FAHD1: variants seen among roughly 807,000 people sequenced by gnomAD.
FAHD1 encodes the protein FAH domain containing oxaloacetate decarboxylase 1, also known as oxaloacetate tautomerase FAHD1, mitochondrial.
A neutral mutation model predicts 12.7 loss-of-function variants in FAHD1; 14 were observed. That is an observed-to-expected ratio of 1.10 (90% CI 0.73 to 1.72). FAHD1 has a LOEUF of 1.72. FAHD1 is among the 40% of genes most tolerant of loss of function. FAHD1 has a pLI of 0.00. For missense variants in FAHD1, 351 were observed against 298.9 expected (o/e 1.17, Z -1.29); for synonymous variants, 153 against 124.9 (o/e 1.22, Z -1.50).
chr16:1,838,037 C>T (rs1898796178), exon 2 of FAHD1: 1 of 1,342,510 alleles, frequency 7.4e-7, no homozygotes, highest in Non-Finnish European at 1.0e-6. Context: ...CACTCTGTCG[C>T]CCAAGCTGGA....
downstream of FAHD1, among the ~76,000 whole-genome samples, chr16:1,831,366 C>G (rs2142065945): frequency 1.3e-5 from 2 of 152,282 alleles, no homozygotes; most frequent in South Asian, 4.1e-4. Flanking sequence ...GGGCAGGGAG[C>G]AAACTCCAAG....
chr16:1,827,619 G>C (rs144517611), exon 1 of FAHD1: 3 of 1,613,782 alleles, frequency 1.9e-6, no homozygotes, highest in Non-Finnish European at 2.5e-6. Context: ...CGTCCTGCCC[G>C]GTCAGCGCGT....
rs751186846 is a variant in FAHD1 at position 1,839,414 on chromosome 16, A to G, written c.*161A>G. Reference sequence around the variant, plus strand: ...AAGTTGTGCACATGTTAGATGCTTCATTTACAATATAACCACAGCTGGAAC... The same window carrying G: ...AAGTTGTGCACATGTTAGATGCTTCGTTTACAATATAACCACAGCTGGAAC... On this transcript the variant is annotated 3_prime_UTR_variant, in exon 3 of 3. Coordinates refer to the FAHD1 transcript ENST00000382666. 4 of 1,613,060 alleles carry G rather than the reference A, an allele frequency of 2.5e-6. No individual in the cohort carries two copies. In the South Asian group the frequency reaches 4.4e-5, roughly 18 times the overall value.
At chr16:1,827,819 G>GAAA in exon 1 of FAHD1, 1 of 1,614,110 alleles carries the variant, frequency 6.2e-7, no homozygotes. Flanking sequence ...AAGGGAGTTG[G>GAAA]ACCGGTTAAA....
Position 1,827,736 on chromosome 16 carries a change from C to A in FAHD1, c.498C>A (p.Ile166=). ...AGACATCCTCCATGATTTTTTCCAT[C>A]CCCTACATCATCAGCTATGTTTCTA... The change falls in exon 1 of 1, where the codon ATC becomes ATA. Residue 166 remains isoleucine (I), a synonymous_variant. Coordinates refer to ENST00000427358, the Ensembl canonical transcript of FAHD1. The A allele has an allele frequency of 4.3e-6, 7 of 1,614,146 alleles. No individual in the cohort carries two copies. In the South Asian group the frequency reaches 7.7e-5, roughly 18 times the overall value.
downstream of FAHD1, among the ~76,000 whole-genome samples, chr16:1,830,670 A>G (rs1898602981): frequency 6.6e-6 from 1 of 152,194 alleles, no homozygotes; most frequent in Non-Finnish European, 1.5e-5. Context: ...CAGAGACACC[A>G]AGTCCGACAA....
downstream of FAHD1, among the ~76,000 whole-genome samples, chr16:1,832,773 T>G (rs559438529): frequency 1.3e-5 from 2 of 151,974 alleles, no homozygotes; most frequent in African/African-American, 4.8e-5. Context: ...TCTCCTCTCC[T>G]TCCTTCCCTG....
exon 1 of FAHD1, chr16:1,828,804 T>G: frequency 2.0e-6 from 2 of 997,180 alleles, no homozygotes; most frequent in Non-Finnish European, 2.4e-6. Context: ...GAACAAGTAA[T>G]GAAGATTTCA....
At chr16:1,831,132 T>C (rs903656733), downstream of FAHD1, among the ~76,000 whole-genome samples, 30 of 152,230 alleles carry the variant, frequency 2.0e-4, no homozygotes, top group African/African-American at 7.0e-4. Flanking sequence ...TGTTGTGTTT[T>C]TAAAACATGT....
In FAHD1 at chr16:1,827,231, T is replaced by A; in HGVS notation, c.-8T>A. On this transcript the variant is annotated 5_prime_UTR_variant, in exon 1 of 1. The change abolishes an upstream ATG in the 5' untranslated region. Transcript: ENST00000427358. ...CCCACGTGACTACAGGGGCACTTGA[T>A]GGGAATCATGGCAGCATCCAGGCCA... 1 of 1,597,896 alleles carries A rather than the reference T, an allele frequency of 6.3e-7. No homozygotes were observed. The highest frequency in any genetic ancestry group is 8.6e-7 in the Non-Finnish European group (1 of 1,167,640).
chr16:1,827,448 G>C (rs751388046), exon 1 of FAHD1: 1 of 1,610,818 alleles, frequency 6.2e-7, no homozygotes, highest in Non-Finnish European at 8.5e-7. Context: ...ACGAGCTGGA[G>C]CTGGGCGTGG....
chr16:1,827,309 A>T (rs1898492837), exon 1 of FAHD1: 1 of 1,613,098 alleles, frequency 6.2e-7, no homozygotes, highest in Non-Finnish European at 8.5e-7. Flanking sequence ...GGGAGGAACT[A>T]CGCGGACCAC....
intron 1 of FAHD1, chr16:1,834,195 T>C: frequency 1.2e-6 from 1 of 848,486 alleles, no homozygotes; most frequent in South Asian, 1.5e-5. Context: ...CAAATTAATA[T>C]TCCATTTTAA....
downstream of FAHD1, among the ~76,000 whole-genome samples, chr16:1,829,253 C>A (rs1280462317): frequency 6.6e-6 from 1 of 152,170 alleles, no homozygotes; most frequent in Non-Finnish European, 1.5e-5. Flanking sequence ...AAGCCTAGGA[C>A]ATCTGATTGA....
intron 1 of FAHD1, chr16:1,834,360 G>C (rs1369621649): frequency 1.3e-6 from 2 of 1,573,158 alleles, no homozygotes; most frequent in Admixed American, 3.4e-5. Flanking sequence ...CTGTGTGATA[G>C]AACGAACTGC....
At chr16:1,838,580 C>G (rs556057233) in intron 2 of FAHD1, among the ~76,000 whole-genome samples, 1 of 152,136 alleles carries the variant, frequency 6.6e-6, no homozygotes, top group East Asian at 1.9e-4. Flanking sequence ...GTAGGTGAAA[C>G]ACAGCCAAAT....
downstream of FAHD1, among the ~76,000 whole-genome samples, chr16:1,831,555 T>C (rs34392705): frequency 0.18 from 27,031 of 152,166 alleles, 2,566 homozygotes; most frequent in South Asian, 0.27. Context: ...GAAGATTTTC[T>C]GGGTGGAGCA....
intron 1 of FAHD1, among the ~76,000 whole-genome samples, chr16:1,835,158 GC>G (rs1898708158): frequency 6.6e-6 from 1 of 152,096 alleles, no homozygotes; most frequent in Admixed American, 6.6e-5. Context: ...GGTGGCTGAG[GC>G]GGGAGGATCA....
intron 1 of FAHD1, chr16:1,837,976 T>C: frequency 1.4e-6 from 2 of 1,444,100 alleles, no homozygotes. Context: ...GAAATTTTAT[T>C]TGCAGTAATT....
Sources: allele counts gnomAD v4.1 joint callset (sites outside exome capture counted in the v4.1 genomes callset), GRCh38; gene constraint gnomAD v4.1.1; transcripts MANE v1.5; gene names NCBI Gene and HGNC (gene_info 2026-07-23, HGNC 2026-07-21).